Variants in NCOA1 observed in about 807,000 individuals in gnomAD.
NCOA1 encodes Hin-2 protein.
NCOA1 carries 35 observed loss-of-function variants against 150.9 expected under a neutral mutation model. The ratio of observed to expected loss-of-function variants is 0.23; its 90% CI spans 0.18 to 0.31. NCOA1 has a LOEUF of 0.31. NCOA1 is among the 10% of genes least tolerant of loss of function. NCOA1 has a pLI of 1.00. For synonymous variants in NCOA1, 590 were observed against 630.0 expected (o/e 0.94, Z 0.95); for missense variants, 1,491 against 1,749.3 (o/e 0.85, Z 2.63).
At chr2:24,721,390 G>C (rs567127270) in intron 14 of NCOA1, among the ~76,000 whole-genome samples, 1 of 152,020 alleles carries the variant, frequency 6.6e-6, no homozygotes, top group Non-Finnish European at 1.5e-5. Context: ...GGTAAATTTT[G>C]ACTGTCTCTC....
At chr2:24,629,600 C>A (rs1447220473) in intron 3 of NCOA1, among the ~76,000 whole-genome samples, 2 of 147,690 alleles carry the variant, frequency 1.4e-5, no homozygotes, top group Non-Finnish European at 3.0e-5. Context: ...ATATATGTTA[C>A]TGAAACAGGA....
chr2:24,614,177 A>G lies in NCOA1; in HGVS notation c.-175+29617A>G, dbSNP rs56317757. ...AGCTTTATTACTTGCTTTTCTGCCT[A>G]TTGTATCGATTCATTTCCATTCTTT... On this transcript the variant is annotated intron_variant, in intron 3 of 22. Coordinates refer to ENST00000348332, the MANE Select transcript of NCOA1 (RefSeq NM_003743.5). Among the ~76,000 whole-genome samples the G allele has an allele frequency of 8.7e-3, 337 of 38,856 alleles. 3 individuals are homozygous for G. The highest frequency in any genetic ancestry group is 0.029 in the African/African-American group (303 of 10,542). The allele number at this position is 38,856 out of a possible 152,430, so 25.5% of individuals were successfully genotyped here.
intron 1 of NCOA1, among the ~76,000 whole-genome samples, chr2:24,529,634 G>A (rs925588141): frequency 6.6e-6 from 1 of 152,304 alleles, no homozygotes; most frequent in African/African-American, 2.4e-5. Context: ...ATAGCTCCTG[G>A]TCTGGGGCAG....
intron 14 of NCOA1, 197 bp downstream of exon 14, chr2:24,711,308 T>C (rs1673736812): frequency 5.9e-6 from 3 of 507,658 alleles, no homozygotes; most frequent in Non-Finnish European, 9.7e-6. Context: ...ATGACCTCTA[T>C]CCTTTTGTAA....
chr2:24,648,138 T>C (rs1320050159), intron 4 of NCOA1, among the ~76,000 whole-genome samples: 1 of 152,234 alleles, frequency 6.6e-6, no homozygotes, highest in Non-Finnish European at 1.5e-5. Flanking sequence ...TTGGGATTTT[T>C]TTTTTCATTT....
intron 14 of NCOA1, among the ~76,000 whole-genome samples, chr2:24,716,744 AT>A (rs1239545658): frequency 6.6e-6 from 1 of 152,218 alleles, no homozygotes; most frequent in Non-Finnish European, 1.5e-5. Flanking sequence ...TTGAAAGAAA[AT>A]GAATCAATAA....
At chr2:24,575,900 G>A (rs1666934771) in intron 2 of NCOA1, among the ~76,000 whole-genome samples, 1 of 152,064 alleles carries the variant, frequency 6.6e-6, no homozygotes, top group African/African-American at 2.4e-5. Flanking sequence ...AAGTAATGTT[G>A]GTCTAAGTTT....
intron 9 of NCOA1, among the ~76,000 whole-genome samples, chr2:24,692,768 A>G (rs1672723305): frequency 6.6e-6 from 1 of 152,232 alleles, no homozygotes; most frequent in Admixed American, 6.5e-5. Flanking sequence ...TGGAGCTGTC[A>G]GTTTTTGGTT....
intron 1 of NCOA1, among the ~76,000 whole-genome samples, chr2:24,538,170 T>G (rs1364361249): frequency 6.6e-6 from 1 of 152,348 alleles, no homozygotes; most frequent in South Asian, 2.1e-4. Context: ...TTTGGTCACT[T>G]GATATAAAAG....
intron 1 of NCOA1, among the ~76,000 whole-genome samples, chr2:24,521,314 A>G (rs556706436): frequency 1.3e-5 from 2 of 152,338 alleles, no homozygotes; most frequent in African/African-American, 4.8e-5. Flanking sequence ...ACCATGCTGT[A>G]AAATAGAGCT....
chr2:24,533,495 T>C (rs1664987643), intron 1 of NCOA1, among the ~76,000 whole-genome samples: 2 of 152,206 alleles, frequency 1.3e-5, no homozygotes, highest in Non-Finnish European at 2.9e-5. Flanking sequence ...AGAATAGGAA[T>C]GGTGAGAGAG....
At chr2:24,554,376 TTTG>T in intron 1 of NCOA1, 1 of 152,184 alleles carries the variant, frequency 6.6e-6, no homozygotes, top group East Asian at 1.9e-4. Flanking sequence ...TGTTGTGTTT[TTTG>T]TTTTTTCAGG....
At chr2:24,610,888 A>G (rs1483436712) in intron 3 of NCOA1, among the ~76,000 whole-genome samples, 1 of 151,300 alleles carries the variant, frequency 6.6e-6, no homozygotes, top group Non-Finnish European at 1.5e-5. Flanking sequence ...TCCTTCTACT[A>G]TGTGCTTGGA....
chr2:24,728,686 G>A (rs891178411), intron 16 of NCOA1, among the ~76,000 whole-genome samples: 1 of 152,024 alleles, frequency 6.6e-6, no homozygotes, highest in Non-Finnish European at 1.5e-5. Context: ...TTTCACTATG[G>A]AACAGAATCT....
At chr2:24,733,887 A>T (rs2148650861) in intron 17 of NCOA1, among the ~76,000 whole-genome samples, 1 of 152,148 alleles carries the variant, frequency 6.6e-6, no homozygotes, top group African/African-American at 2.4e-5. Context: ...TAGAAAATTA[A>T]TTAAAAATAC....
chr2:24,516,981 T>TAC (rs1664218728), intron 1 of NCOA1, among the ~76,000 whole-genome samples: 1 of 53,422 alleles, frequency 1.9e-5, no homozygotes, highest in African/African-American at 3.9e-5. Flanking sequence ...TATACACATA[T>TAC]ACGTATATAT....
chr2:24,748,564 A>G (rs1419011096), intron 19 of NCOA1, among the ~76,000 whole-genome samples: 1 of 150,516 alleles, frequency 6.6e-6, no homozygotes, highest in African/African-American at 2.4e-5. Context: ...TGCAGTGAGC[A>G]GAGATCACGC....
intron 1 of NCOA1, among the ~76,000 whole-genome samples, chr2:24,518,544 A>G (rs1364998587): frequency 6.6e-6 from 1 of 152,178 alleles, no homozygotes; most frequent in Admixed American, 6.5e-5. Flanking sequence ...GCAAGGAAGA[A>G]GTAACTTTTT....
intron 2 of NCOA1, among the ~76,000 whole-genome samples, chr2:24,578,626 A>G (rs1156515072): frequency 6.6e-6 from 1 of 152,198 alleles, no homozygotes; most frequent in Non-Finnish European, 1.5e-5. Context: ...ATACTTACTG[A>G]GTAACCATAA....
Sources: gnomAD v4.1 joint callset for allele counts (sites outside exome capture counted in the v4.1 genomes callset) on GRCh38, gnomAD v4.1.1 for gene constraint, MANE v1.5 for transcripts, NCBI Gene and HGNC (gene_info 2026-07-23, HGNC 2026-07-21) for gene names.